AGPAT4: variants seen among roughly 807,000 people sequenced by gnomAD.
AGPAT4 encodes the protein 1-acylglycerol-3-phosphate O-acyltransferase 4.
AGPAT4 carries 15 observed loss-of-function variants against 48.0 expected under a neutral mutation model. The ratio of observed to expected loss-of-function variants is 0.31; its 90% CI spans 0.21 to 0.48. The LOEUF is 0.48. AGPAT4 is among the 20% of genes least tolerant of loss of function. AGPAT4 has a pLI of 0.99. For missense variants in AGPAT4, 314 were observed against 482.5 expected, an observed-to-expected ratio of 0.65 and a Z score of 3.27; for synonymous variants, 178 against 198.7, an observed-to-expected ratio of 0.90 and a Z score of 0.88.
chr6:161,131,588 G>C lies in AGPAT4; in HGVS notation c.*4952C>G, dbSNP rs149583253. On this transcript the variant is annotated 3_prime_UTR_variant, in exon 9 of 9. Coordinates refer to ENST00000320285, the MANE Select transcript of AGPAT4 (RefSeq NM_020133.3). ...GGCCATGAGGGTGAGGCCCTGCTGG[G>C]GGGGCAGGGCAGGGCTGTGAGCTCA... The C allele has an allele frequency of 2.6e-5, 4 of 152,326 alleles. No homozygotes were observed. Among genetic ancestry groups the C allele is most frequent in the East Asian group, 1.9e-4 (1 of 5,202 alleles). 9.4% of individuals were successfully genotyped at this position (152,326 alleles called of 1,614,324 possible).
At position 161,217,256 on chromosome 6, in the gene AGPAT4, C is replaced by A. The variant is rs1056042600; in HGVS notation, c.178+14780G>T. ...GGACATGCTGAGCTGGAAAACCTAG[C>A]CTTGGGTCAGAACTGGGCTCCCATC... On this transcript the variant is annotated intron_variant, in intron 2 of 8. Coordinates refer to ENST00000320285, the MANE Select transcript of AGPAT4 (RefSeq NM_020133.3). The surrounding 1 kb of genome is among the most constrained non-coding windows in gnomAD (Gnocchi z 4.9). Among the ~76,000 whole-genome samples, 3 of 152,162 alleles carry A rather than the reference C, an allele frequency of 2.0e-5. No individual in the cohort carries two copies. Among genetic ancestry groups the A allele is most frequent in the African/African-American group, 7.2e-5 (3 of 41,434 alleles).
Position 161,164,572 on chromosome 6 carries a change from G to T in AGPAT4, c.348+1676C>A, listed in dbSNP as rs774398787. On this transcript the variant is annotated intron_variant, in intron 3 of 8. Coordinates refer to ENST00000320285, the MANE Select transcript of AGPAT4 (RefSeq NM_020133.3). This position sits in a 1 kb window ranked among gnomAD's most constrained non-coding sequence, Gnocchi z 7.4. ...TTTGTGCCCCCAACATCTTCCAGGGGAAAGAGCAGAAGCTTTGAAAGCAGA... is the reference window on the plus strand; with the variant it reads ...TTTGTGCCCCCAACATCTTCCAGGGTAAAGAGCAGAAGCTTTGAAAGCAGA... Among the ~76,000 whole-genome samples the T allele has an allele frequency of 6.6e-6, 1 of 152,234 alleles. No individual in the cohort carries two copies. The highest frequency in any genetic ancestry group is 1.5e-5 in the Non-Finnish European group (1 of 68,046).
At position 161,131,531 on chromosome 6, in the gene AGPAT4, G is replaced by A. The variant is rs770522968; in HGVS notation, c.*5009C>T. ...ATTCCATTACTCAGGCCTCTAGTAA[G>A]TGCCCCCTTCATGTAGTCACTATTC... is the stretch of plus-strand genomic sequence containing the variant. On this transcript the variant is annotated 3_prime_UTR_variant, in exon 9 of 9. Coordinates refer to ENST00000320285, the MANE Select transcript of AGPAT4 (RefSeq NM_020133.3). 6.6e-6 allele frequency: 1 copy of A among 152,602 alleles called. No individual in the cohort carries two copies. Among genetic ancestry groups the A allele is most frequent in the Non-Finnish European group, 1.5e-5 (1 of 68,390 alleles). 9.5% of individuals were successfully genotyped at this position (152,602 alleles called of 1,614,324 possible).
intron 1 of AGPAT4, among the ~76,000 whole-genome samples, chr6:161,271,981 A>G (rs1783438103): frequency 6.6e-6 from 1 of 152,136 alleles, no homozygotes. Flanking sequence ...CTGTGTACTA[A>G]CATGTGCTTT....
In AGPAT4 at chr6:161,198,034, A is replaced by G. The variant is rs186735648; in HGVS notation, c.179-31617T>C. ...TCCCCCAACTCTTCTTCAGTCTCTC[A>G]TACTTCATTCTTCCCACTCTTCTTT... On this transcript the variant is annotated intron_variant, in intron 2 of 8. Transcript: ENST00000320285. This position sits in a 1 kb window ranked among gnomAD's most constrained non-coding sequence, Gnocchi z 4.3. 3.8e-3 allele frequency among the ~76,000 whole-genome samples: 581 copies of G among 152,290 alleles called. 2 individuals carry two copies. Among genetic ancestry groups the G allele is most frequent in the Non-Finnish European group, 6.2e-3 (420 of 68,028 alleles).
rs536187089 is a variant in AGPAT4, at chr6:161,134,699, A to AG, written c.*1840dup. On this transcript the variant is annotated 3_prime_UTR_variant, in exon 9 of 9. Coordinates refer to ENST00000320285, the MANE Select transcript of AGPAT4 (RefSeq NM_020133.3). ...CTCCGAGAGACTGGCCCGATAATCCAGGCGCAGGTCCACTAGGGCGTGCTC... is the reference window on the plus strand; with the variant it reads ...CTCCGAGAGACTGGCCCGATAATCCAGGGCGCAGGTCCACTAGGGCGTGCTC... 10 of 152,100 alleles carry AG rather than the reference A, an allele frequency of 6.6e-5. No individual in the cohort carries two copies. In the East Asian group the frequency reaches 1.9e-3, roughly 30 times the overall value. The allele number at this position is 152,100 out of a possible 1,614,324, so 9.4% of individuals were successfully genotyped here. A position where few individuals can be genotyped will look rare whatever the true frequency, so the allele number is the denominator to read the frequency against.
At position 161,146,275 on chromosome 6, in the gene AGPAT4, C is replaced by T. The variant is rs186227867; in HGVS notation, c.843+249G>A. 3.9e-3 allele frequency among the ~76,000 whole-genome samples: 594 copies of T among 151,548 alleles called. 3 individuals are homozygous for T. The highest frequency in any genetic ancestry group is 5.5e-3 in the Non-Finnish European group (373 of 68,020). On this transcript the variant is annotated intron_variant, in intron 7 of 8. Transcript: ENST00000320285. This position sits in a 1 kb window ranked among gnomAD's most constrained non-coding sequence, Gnocchi z 7.1. ...AGAGGCAGGAAAATACGAGCAGGGG[C>T]GATTGGGGCCATTACTTCTCCCTTG...
At position 161,225,196 on chromosome 6, in the gene AGPAT4, C is replaced by T. The variant is rs1781942567; in HGVS notation, c.178+6840G>A. Among the ~76,000 whole-genome samples, 1 of 152,218 alleles carries T rather than the reference C, an allele frequency of 6.6e-6. No homozygotes were observed. The highest frequency in any genetic ancestry group is 2.1e-4 in the South Asian group (1 of 4,836). Reference sequence around the variant, plus strand: ...ATTCCAATTACCTACTCTACCCTGACTCATTCTGATTCCGTCCCCTGTCAT... The same window carrying T: ...ATTCCAATTACCTACTCTACCCTGATTCATTCTGATTCCGTCCCCTGTCAT... On this transcript the variant is annotated intron_variant, in intron 2 of 8. Transcript: ENST00000320285. This position sits in a 1 kb window ranked among gnomAD's most constrained non-coding sequence, Gnocchi z 5.0.
intron 4 of AGPAT4, among the ~76,000 whole-genome samples, chr6:161,153,924 C>T (rs1196800752): frequency 6.6e-6 from 1 of 151,150 alleles, no homozygotes; most frequent in Non-Finnish European, 1.5e-5. Flanking sequence ...GGGTCACACA[C>T]GGCCCCATGG....
intron 7 of AGPAT4, among the ~76,000 whole-genome samples, chr6:161,145,747 A>T (rs779383666): frequency 6.6e-6 from 1 of 151,658 alleles, no homozygotes; most frequent in Non-Finnish European, 1.5e-5. Context: ...GCCAGCCCGC[A>T]TTTATGGAGT....
chr6:161,203,396 T>C (rs1415511054), intron 2 of AGPAT4, among the ~76,000 whole-genome samples: 1 of 148,172 alleles, frequency 6.7e-6, no homozygotes, highest in African/African-American at 2.5e-5. Context: ...TTTTTTTTTT[T>C]TTTTTTTTTG....
In AGPAT4 at chr6:161,225,141, T is replaced by A. The variant is rs1425733932; in HGVS notation, c.178+6895A>T. Among the ~76,000 whole-genome samples, 1 of 151,830 alleles carries A rather than the reference T, an allele frequency of 6.6e-6. No homozygotes were observed. Among genetic ancestry groups the A allele is most frequent in the Non-Finnish European group, 1.5e-5 (1 of 67,972 alleles). The stretch of plus-strand genomic sequence containing the variant: ...TTCGGATTACCTGCTCCACCCTGAC[T>A]CCTTCCGATGACCTGCTCCACCCTG... On this transcript the variant is annotated intron_variant, in intron 2 of 8. Coordinates refer to ENST00000320285, the MANE Select transcript of AGPAT4 (RefSeq NM_020133.3). The surrounding 1 kb of genome is among the most constrained non-coding windows in gnomAD (Gnocchi z 5.0).
intron 1 of AGPAT4, among the ~76,000 whole-genome samples, chr6:161,256,926 AAAAG>A (rs1181029908): frequency 6.6e-6 from 1 of 152,224 alleles, no homozygotes; most frequent in Non-Finnish European, 1.5e-5. Context: ...CCACTTTCCC[AAAAG>A]TCAGCCTTTG....
Position 161,223,751 on chromosome 6 carries a change from T to G in AGPAT4, c.178+8285A>C, listed in dbSNP as rs1243475634. Among the ~76,000 whole-genome samples the G allele has an allele frequency of 6.6e-6, 1 of 152,134 alleles. No homozygotes were observed. The highest frequency in any genetic ancestry group is 1.5e-5 in the Non-Finnish European group (1 of 68,024). On this transcript the variant is annotated intron_variant, in intron 2 of 8. Coordinates refer to ENST00000320285, the MANE Select transcript of AGPAT4 (RefSeq NM_020133.3). This position sits in a 1 kb window ranked among gnomAD's most constrained non-coding sequence, Gnocchi z 6.3. The stretch of plus-strand genomic sequence containing the variant: ...GGCCTCACCTCCAGAGCTTGGCTCC[T>G]CAAATGCAGGGCAGGGCTGGGTTGT...
At position 161,132,614 on chromosome 6, in the gene AGPAT4, G is replaced by C. The variant is rs1364847239; in HGVS notation, c.*3926C>G. ...TGCCAAGGCGTGACTAGGACCAGAA[G>C]AATCAGAAAGCATGGTGGAGTCCGA... is the stretch of plus-strand genomic sequence containing the variant. On this transcript the variant is annotated 3_prime_UTR_variant, in exon 9 of 9. Coordinates refer to ENST00000320285, the MANE Select transcript of AGPAT4 (RefSeq NM_020133.3). 2 of 152,336 alleles carry C rather than the reference G, an allele frequency of 1.3e-5. No individual in the cohort carries two copies. Among genetic ancestry groups the C allele is most frequent in the African/African-American group, 4.8e-5 (2 of 41,482 alleles). The allele number at this position is 152,336 out of a possible 1,614,324, so 9.4% of individuals were successfully genotyped here.
intron 2 of AGPAT4, among the ~76,000 whole-genome samples, chr6:161,205,493 A>G (rs1781355858): frequency 6.6e-6 from 1 of 152,206 alleles, no homozygotes; most frequent in African/African-American, 2.4e-5. Flanking sequence ...CCAGCCAGAG[A>G]GAGCAGAGGC....
At position 161,149,805 on chromosome 6, in the gene AGPAT4, G is replaced by T. The variant is rs1441670120; in HGVS notation, c.665-516C>A. Among the ~76,000 whole-genome samples the T allele has an allele frequency of 6.6e-6, 1 of 152,178 alleles. No individual in the cohort carries two copies. The highest frequency in any genetic ancestry group is 1.5e-5 in the Non-Finnish European group (1 of 68,040). ...GCTCTGCCCGCCTCAGCCTCCCAAA[G>T]TGCTGGGATTACAGGTGTAAGCCAC... On this transcript the variant is annotated intron_variant, in intron 5 of 8. Transcript: ENST00000320285. The surrounding 1 kb of genome is among the most constrained non-coding windows in gnomAD (Gnocchi z 6.5).
intron 2 of AGPAT4, among the ~76,000 whole-genome samples, chr6:161,181,848 G>T (rs868138211): frequency 8.5e-5 from 13 of 152,222 alleles, no homozygotes; most frequent in Admixed American, 2.0e-4. Context: ...TATATTAGGG[G>T]GTGATTTTGC....
rs1169793254 is a variant in AGPAT4 at position 161,177,308 on chromosome 6, T to C, written c.179-10891A>G. ...CAGACGTAGATTTGGTCTTTTCACA[T>C]AGTCCCATATTTCTTGGAGGCTTTG... On this transcript the variant is annotated intron_variant, in intron 2 of 8. Coordinates refer to ENST00000320285, the MANE Select transcript of AGPAT4 (RefSeq NM_020133.3). The surrounding 1 kb of genome is among the most constrained non-coding windows in gnomAD (Gnocchi z 5.0). Among the ~76,000 whole-genome samples the C allele has an allele frequency of 6.6e-6, 1 of 152,248 alleles. No individual in the cohort carries two copies. Among genetic ancestry groups the C allele is most frequent in the Non-Finnish European group, 1.5e-5 (1 of 68,044 alleles).
Sources: gnomAD v4.1 joint callset for allele counts (sites outside exome capture counted in the v4.1 genomes callset) on GRCh38, gnomAD v4.1.1 for gene constraint, Gnocchi (gnomAD v3.1) non-coding constraint, MANE v1.5 for transcripts, NCBI Gene and HGNC (gene_info 2026-07-23, HGNC 2026-07-21) for gene names.